Variants in GABRB1 observed in about 807,000 individuals in gnomAD.
GABRB1 encodes the protein gamma-aminobutyric acid type A receptor subunit beta1.
Under a neutral mutation model 51.6 loss-of-function variants are expected in GABRB1, and 17 were observed. The observed-to-expected ratio is 0.33, with a 90% CI of 0.23 to 0.49. The LOEUF is 0.49. Ranked by LOEUF, GABRB1 falls within the 20% of genes least tolerant of loss-of-function variation. The pLI is 0.99. For synonymous variants in GABRB1, 247 were observed against 218.9 expected (o/e 1.13, Z -1.14); for missense variants, 410 against 600.6 (o/e 0.68, Z 3.32).
intron 4 of GABRB1, among the ~76,000 whole-genome samples, chr4:47,315,325 A>G (rs2109957490): frequency 6.6e-6 from 1 of 152,128 alleles, no homozygotes; most frequent in East Asian, 1.9e-4. Flanking sequence ...TAAAACCACA[A>G]TGTGATACCA....
intron 4 of GABRB1, among the ~76,000 whole-genome samples, chr4:47,219,073 C>T (rs111371513): frequency 0.012 from 1,798 of 151,806 alleles, 32 homozygotes; most frequent in African/African-American, 0.042. Context: ...TTAACAACCT[C>T]CCTCCTATTC....
chr4:47,367,820 C>G (rs750784356), intron 5 of GABRB1, among the ~76,000 whole-genome samples: 49 of 152,210 alleles, frequency 3.2e-4, no homozygotes, highest in Non-Finnish European at 1.3e-4. Flanking sequence ...GTAAATGGCT[C>G]TGCTCCAAAA....
chr4:47,346,106 ATTTG>A (rs984556177), intron 5 of GABRB1, among the ~76,000 whole-genome samples: 11 of 152,172 alleles, frequency 7.2e-5, no homozygotes, highest in African/African-American at 2.7e-4. Flanking sequence ...AAGAGAAAGA[ATTTG>A]TTTGTTTATA....
chr4:47,388,443 C>T (rs547031515), intron 5 of GABRB1, among the ~76,000 whole-genome samples: 1 of 152,244 alleles, frequency 6.6e-6, no homozygotes, highest in Non-Finnish European at 1.5e-5. Context: ...CCTGACCTTG[C>T]TTTAGGTGTG....
At chr4:47,066,500 T>A (rs909047367) in intron 3 of GABRB1, among the ~76,000 whole-genome samples, 1 of 152,242 alleles carries the variant, frequency 6.6e-6, no homozygotes, top group Non-Finnish European at 1.5e-5. Flanking sequence ...CTACTGCTTC[T>A]TTATCAACTA....
At chr4:46,998,779 G>T (rs1560490939) in intron 1 of GABRB1, among the ~76,000 whole-genome samples, 1 of 149,612 alleles carries the variant, frequency 6.7e-6, no homozygotes, top group Non-Finnish European at 1.5e-5. Context: ...AATTTAAGGG[G>T]ATACAATCCA....
At chr4:47,063,184 G>A (rs1446025228) in intron 3 of GABRB1, among the ~76,000 whole-genome samples, 2 of 152,020 alleles carry the variant, frequency 1.3e-5, no homozygotes, top group Non-Finnish European at 2.9e-5. Flanking sequence ...GATTAACCAC[G>A]ACCGATGCAG....
intron 5 of GABRB1, among the ~76,000 whole-genome samples, chr4:47,350,095 ATTAATATTTGAAAAAATATATTGTATT>A (rs1367740453): frequency 1.3e-5 from 2 of 150,660 alleles, no homozygotes; most frequent in African/African-American, 4.9e-5. Context: ...TCTCAGATAA[ATTAATATTTGAAAAAATATATTGTATT>A]TATTACTTTA....
At chr4:47,390,058 C>T (rs1727931619) in intron 5 of GABRB1, among the ~76,000 whole-genome samples, 1 of 152,180 alleles carries the variant, frequency 6.6e-6, no homozygotes, top group Non-Finnish European at 1.5e-5. Flanking sequence ...TTGCAAACAG[C>T]TAAAAGAGAA....
At chr4:47,103,852 T>G (rs1714831483) in intron 3 of GABRB1, among the ~76,000 whole-genome samples, 1 of 151,890 alleles carries the variant, frequency 6.6e-6, no homozygotes, top group Non-Finnish European at 1.5e-5. Context: ...ACCAGCATTT[T>G]GTCTGCAGTG....
rs914316773 is a variant in GABRB1, at chr4:47,366,640, A to C, written c.545-36678A>C. 2.2e-4 allele frequency among the ~76,000 whole-genome samples: 33 copies of C among 151,964 alleles called. 2 individuals carry two copies. The highest frequency in any genetic ancestry group is 7.5e-4 in the African/African-American group (31 of 41,438). On this transcript the variant is annotated intron_variant, in intron 5 of 8. Coordinates refer to ENST00000295454, the MANE Select transcript of GABRB1 (RefSeq NM_000812.4). Reference sequence around the variant, plus strand: ...CATAAGATGGGAAAATAAAAAAAAAAATCTCAACATTATCCCCCCTTTTGA... The same window carrying C: ...CATAAGATGGGAAAATAAAAAAAAACATCTCAACATTATCCCCCCTTTTGA...
At chr4:47,266,988 G>T (rs764035003) in intron 4 of GABRB1, among the ~76,000 whole-genome samples, 2 of 151,966 alleles carry the variant, frequency 1.3e-5, no homozygotes, top group Non-Finnish European at 2.9e-5. Flanking sequence ...AAAGAACAAA[G>T]AAGATTAATA....
intron 4 of GABRB1, among the ~76,000 whole-genome samples, chr4:47,315,926 CT>C (rs1487728946): frequency 6.6e-6 from 1 of 151,720 alleles, no homozygotes; most frequent in African/African-American, 2.4e-5. Flanking sequence ...GAAAAACTAC[CT>C]ATTGGATACT....
intron 3 of GABRB1, among the ~76,000 whole-genome samples, chr4:47,145,544 G>C (rs1689299823): frequency 6.6e-6 from 1 of 152,056 alleles, no homozygotes. Flanking sequence ...AAAATGGAGA[G>C]AGAGAGAGAG....
chr4:47,390,202 C>T (rs1202184040), intron 5 of GABRB1, among the ~76,000 whole-genome samples: 1 of 152,216 alleles, frequency 6.6e-6, no homozygotes, highest in Non-Finnish European at 1.5e-5. Flanking sequence ...TTGTTTTAGA[C>T]CTGGATTGTT....
In GABRB1 at chr4:47,146,129, C is replaced by T. The variant is rs183873948; in HGVS notation, c.241-15120C>T. Among the ~76,000 whole-genome samples, 32 of 152,080 alleles carry T rather than the reference C, an allele frequency of 2.1e-4. No homozygotes were observed. In the East Asian group the frequency reaches 5.1e-3, roughly 24 times the overall value. On this transcript the variant is annotated intron_variant, in intron 3 of 8. Coordinates refer to ENST00000295454, the MANE Select transcript of GABRB1 (RefSeq NM_000812.4). The stretch of plus-strand genomic sequence containing the variant: ...TTTAGCGGTCACACCGTTGCTGAAC[C>T]TTGATTTCCACTCATGTCTGAGCTG...
chr4:47,189,024 A>C (rs1719316156), intron 4 of GABRB1, among the ~76,000 whole-genome samples: 1 of 152,036 alleles, frequency 6.6e-6, no homozygotes, highest in African/African-American at 2.4e-5. Flanking sequence ...GGAAAGAAAT[A>C]ACTGCAGTTT....
intron 4 of GABRB1, among the ~76,000 whole-genome samples, chr4:47,240,245 A>G (rs1721473138): frequency 1.3e-5 from 2 of 152,198 alleles, no homozygotes; most frequent in South Asian, 4.1e-4. Flanking sequence ...AAGAAGGAGC[A>G]AGGGAATAAA....
chr4:47,306,137 C>G (rs1390402778), intron 4 of GABRB1, among the ~76,000 whole-genome samples: 2 of 151,584 alleles, frequency 1.3e-5, no homozygotes, highest in South Asian at 2.1e-4. Flanking sequence ...GCTTCAGCTT[C>G]CTTTAAAGAA....
Sources: allele counts gnomAD v4.1 joint callset (sites outside exome capture counted in the v4.1 genomes callset), GRCh38; gene constraint gnomAD v4.1.1; transcripts MANE v1.5; gene names NCBI Gene and HGNC (gene_info 2026-07-23, HGNC 2026-07-21).